Variants in FRMD6 observed in about 807,000 individuals in gnomAD.
FRMD6 encodes FERM domain containing 6.
A neutral mutation model predicts 73.2 loss-of-function variants in FRMD6; 37 were observed. That is an observed-to-expected ratio of 0.51 (90% CI 0.39 to 0.66). FRMD6 has a LOEUF of 0.66. Ranked by LOEUF, FRMD6 falls within the 30% of genes least tolerant of loss-of-function variation. The probability of loss-of-function intolerance (pLI) is 0.00; values close to 1 mark genes in which losing one functional copy is unlikely to be tolerated. For missense variants in FRMD6, 714 were observed against 780.5 expected (o/e 0.91, Z 1.02); for synonymous variants, 273 against 282.2 (o/e 0.97, Z 0.33).
chr14:51,532,430 T>C (rs961057845), intron 1 of FRMD6, among the ~76,000 whole-genome samples: 5 of 151,840 alleles, frequency 3.3e-5, no homozygotes, highest in Non-Finnish European at 5.9e-5. Flanking sequence ...GGATTGTGTC[T>C]AGGAATCATC....
chr14:51,702,554 G>C lies in FRMD6; in HGVS notation c.337G>C (p.Val113Leu). Residue 113 changes from valine to leucine, a missense_variant, in exon 5 of 14, where the codon GTG becomes CTG. Val to Leu is a conservative substitution (Grantham distance 32). Transcript: ENST00000344768. Reference protein sequence around the residue: ...FGPPMIIHFRVQYYVENGRLI... With the variant: ...FGPPMIIHFRLQYYVENGRLI... ...GCCTCCTATGATCATCCACTTCCGT[G>C]TGCAGTACTATGTGGAAAATGGCAG... is the stretch of plus-strand genomic sequence containing the variant. The C allele has an allele frequency of 6.2e-7, 1 of 1,611,988 alleles. No homozygotes were observed. The highest frequency in any genetic ancestry group is 8.5e-7 in the Non-Finnish European group (1 of 1,178,500).
chr14:51,670,087 A>T (rs1893890156), intron 1 of FRMD6, among the ~76,000 whole-genome samples: 1 of 151,906 alleles, frequency 6.6e-6, no homozygotes, highest in Admixed American at 6.6e-5. Flanking sequence ...TTTAATTTTA[A>T]TTTTTTTAGA....
chr14:51,534,655 T>A (rs1007534472), intron 1 of FRMD6, among the ~76,000 whole-genome samples: 4 of 152,180 alleles, frequency 2.6e-5, no homozygotes, highest in African/African-American at 9.7e-5. Context: ...AAACTGGGGA[T>A]TAAAATTCCC....
chr14:51,470,960 T>C, the FRMD6 span, among the ~76,000 whole-genome samples: 1 of 152,242 alleles, frequency 6.6e-6, no homozygotes, highest in Non-Finnish European at 1.5e-5. Context: ...AGAATACATA[T>C]TCTGCAGTTG....
rs1487936263 is a variant in FRMD6 at position 51,729,482 on chromosome 14, A to G, written c.*1453A>G. ...AAACGTAGTTCACACTTCAGGAGAG[A>G]ACTTCATAGCACAATGTCTTTCTAT... On this transcript the variant is annotated 3_prime_UTR_variant, in exon 14 of 14. Coordinates refer to ENST00000344768, the MANE Select transcript of FRMD6 (RefSeq NM_001267046.2). The G allele has an allele frequency of 6.6e-6, 1 of 152,660 alleles. No individual in the cohort carries two copies. Among genetic ancestry groups the G allele is most frequent in the Admixed American group, 6.5e-5 (1 of 15,284 alleles). The allele number at this position is 152,660 out of a possible 1,614,324, so 9.5% of individuals were successfully genotyped here.
chr14:51,585,694 C>T (rs1451657186), intron 2 of FRMD6, among the ~76,000 whole-genome samples: 1 of 151,184 alleles, frequency 6.6e-6, no homozygotes, highest in Non-Finnish European at 1.5e-5. Context: ...AATTTTTAAC[C>T]CCTTGCCCGA....
At chr14:51,602,373 A>C (rs1316458929) in intron 2 of FRMD6, among the ~76,000 whole-genome samples, 1 of 152,190 alleles carries the variant, frequency 6.6e-6, no homozygotes, top group Non-Finnish European at 1.5e-5. Context: ...TATGTCTCTA[A>C]GGATGAATGG....
chr14:51,517,812 C>T (rs981779107), intron 1 of FRMD6, among the ~76,000 whole-genome samples: 6 of 152,108 alleles, frequency 3.9e-5, no homozygotes, highest in African/African-American at 9.7e-5. Context: ...GCTGGCTCTC[C>T]GGTATGGCCT....
rs533220097 is a variant in FRMD6 at position 51,569,976 on chromosome 14, C to T, written c.-209-372C>T. ...GACTACAGGTGTGCGCCACCACACT[C>T]GGCTAATTTTATGTATTTTTAGTAG... On this transcript the variant is annotated intron_variant, in intron 1 of 14. Coordinates refer to the FRMD6 transcript ENST00000356218. 3.9e-5 allele frequency among the ~76,000 whole-genome samples: 6 copies of T among 152,042 alleles called. No individual in the cohort carries two copies. The South Asian group carries it at 6.3e-4, about 16-fold the overall frequency.
At chr14:51,539,221 C>T (rs1886074623) in intron 1 of FRMD6, among the ~76,000 whole-genome samples, 1 of 152,140 alleles carries the variant, frequency 6.6e-6, no homozygotes, top group Admixed American at 6.5e-5. Context: ...TGTCACCCTT[C>T]TGAATTCTTC....
At chr14:51,492,303 A>G (rs1883055671) in intron 1 of FRMD6, among the ~76,000 whole-genome samples, 1 of 152,164 alleles carries the variant, frequency 6.6e-6, no homozygotes, top group Non-Finnish European at 1.5e-5. Context: ...CTGTGGTCCT[A>G]CAATTAACCA....
chr14:51,725,894 CAGTT>C (rs1235044547), intron 13 of FRMD6, 24 bp downstream of exon 13: 2 of 1,547,778 alleles, frequency 1.3e-6, no homozygotes, highest in Non-Finnish European at 1.8e-6. Flanking sequence ...TGAAAAATAT[CAGTT>C]AGGAAACTGA....
rs147239419 is a variant in FRMD6 at position 51,725,789 on chromosome 14, G to A, written c.1503G>A (p.Val501=). Residue 501 remains valine (V), a synonymous_variant, in exon 13 of 14, where the codon GTG becomes GTA. Coordinates refer to ENST00000344768, the MANE Select transcript of FRMD6 (RefSeq NM_001267046.2). ...RKLNGHSGLI[V]KEIGSSTSSS... ...TGTGTTTTATTTCAGGGTTGATTGTGAAAGAAATTGGGTCTTCCACCTCGA... is the reference window on the plus strand; with the variant it reads ...TGTGTTTTATTTCAGGGTTGATTGTAAAAGAAATTGGGTCTTCCACCTCGA... The A allele has an allele frequency of 4.1e-5, 66 of 1,612,742 alleles. No homozygotes were observed. The highest frequency in any genetic ancestry group is 5.5e-5 in the Non-Finnish European group (65 of 1,178,970).
intron 12 of FRMD6, among the ~76,000 whole-genome samples, chr14:51,725,490 TC>T (rs1245523031): frequency 6.6e-6 from 1 of 152,228 alleles, no homozygotes; most frequent in Non-Finnish European, 1.5e-5. Context: ...TTGCTTCTTT[TC>T]TATAACTTCA....
chr14:51,452,229 C>T, the FRMD6 span, among the ~76,000 whole-genome samples: 1 of 152,096 alleles, frequency 6.6e-6, no homozygotes, highest in Non-Finnish European at 1.5e-5. Context: ...GCTGGACAGG[C>T]AGATGGAAGA....
chr14:51,577,402 T>A (rs1888464735), intron 2 of FRMD6, among the ~76,000 whole-genome samples: 1 of 152,218 alleles, frequency 6.6e-6, no homozygotes, highest in African/African-American at 2.4e-5. Flanking sequence ...ATCATGATCA[T>A]CAAATTTAGC....
chr14:51,436,789 A>G, the FRMD6 span: 1 of 532,666 alleles, frequency 1.9e-6, no homozygotes, highest in Non-Finnish European at 3.4e-6. Context: ...ATGAAGATGA[A>G]GAAGGAGAAG....
intron 2 of FRMD6, among the ~76,000 whole-genome samples, chr14:51,626,314 A>G (rs1301778709): frequency 6.6e-6 from 1 of 152,136 alleles, no homozygotes; most frequent in African/African-American, 2.4e-5. Flanking sequence ...CCAGCTAGGC[A>G]TTAAATAGGC....
At chr14:51,454,478 A>G in the FRMD6 span, 1 of 152,212 alleles carries the variant, frequency 6.6e-6, no homozygotes, top group African/African-American at 2.4e-5. Flanking sequence ...CCAGGACAGG[A>G]AAAATTTCCT....
Sources: allele counts gnomAD v4.1 joint callset (sites outside exome capture counted in the v4.1 genomes callset), GRCh38; gene constraint gnomAD v4.1.1; transcripts MANE v1.5; gene names NCBI Gene and HGNC (gene_info 2026-07-23, HGNC 2026-07-21).